Variants in OFD1 observed in about 807,000 individuals in gnomAD.
OFD1 encodes OFD1 centriole and centriolar satellite protein.
In OFD1, 12 loss-of-function variants were observed where a neutral mutation model predicts 81.4. The ratio of observed to expected loss-of-function variants is 0.15; its 90% CI spans 0.09 to 0.24. The LOEUF is 0.24. OFD1 is among the 10% of genes least tolerant of loss of function. The pLI is 1.00. For synonymous variants in OFD1, 256 were observed against 263.7 expected, an observed-to-expected ratio of 0.97 and a Z score of 0.28; for missense variants, 685 against 733.9, an observed-to-expected ratio of 0.93 and a Z score of 0.77.
intron 9 of OFD1, among the ~76,000 whole-genome samples, chrX:13,750,151 TG>T (rs2047448328): frequency 8.9e-6 from 1 of 112,230 alleles, no homozygotes; most frequent in East Asian, 2.8e-4. Flanking sequence ...GCTCCATTAA[TG>T]TTTTTTTCTC....
At position 13,740,223 on chromosome X, in the gene OFD1, C is replaced by T. The variant is rs1435789961; in HGVS notation, c.412+1191C>T. 3.4e-6 allele frequency: 3 copies of T among 881,262 alleles called. No individual in the cohort carries two copies. The Admixed American group carries it at 9.1e-5, about 27-fold the overall frequency. The allele number at this position is 881,262 out of a possible 1,213,427, so 72.6% of individuals were successfully genotyped here. A position where few individuals can be genotyped will look rare whatever the true frequency, so the allele number is the denominator to read the frequency against. On this transcript the variant is annotated intron_variant, in intron 5 of 22. Coordinates refer to ENST00000340096, the MANE Select transcript of OFD1 (RefSeq NM_003611.3). ...ACTGAAGTTCAGTATGGTAAATGATCCTATATTCTGTACTCTAAGTGTCGT... is the reference window on the plus strand; with the variant it reads ...ACTGAAGTTCAGTATGGTAAATGATTCTATATTCTGTACTCTAAGTGTCGT...
intron 15 of OFD1, among the ~76,000 whole-genome samples, chrX:13,759,164 C>G (rs1009756048): frequency 8.9e-6 from 1 of 112,056 alleles, no homozygotes; most frequent in African/African-American, 3.3e-5. Flanking sequence ...AAAGAAAGTA[C>G]GTATGTGTTA....
At chrX:13,757,601 A>C in intron 13 of OFD1, 59 bp from the exon 14 acceptor site, 1 of 1,159,064 alleles carries the variant, frequency 8.6e-7, no homozygotes, top group Non-Finnish European at 1.2e-6. Flanking sequence ...TGTTAAGTTA[A>C]ATAAGAAAAC....
chrX:13,715,956 G>A, the OFD1 span: 1 of 1,139,646 alleles, frequency 8.8e-7, no homozygotes. Context: ...CCTGACAAAG[G>A]TCGAATCCTT....
At chrX:13,719,783 G>C in the OFD1 span, 64 of 702,148 alleles carry the variant, frequency 9.1e-5, no homozygotes, top group Middle Eastern at 9.9e-4. Flanking sequence ...AATTGTGGTG[G>C]ATTTCAGTTA....
chrX:13,737,871 A>G (rs1349149027), intron 3 of OFD1, among the ~76,000 whole-genome samples: 1 of 111,575 alleles, frequency 9.0e-6, no homozygotes, highest in Non-Finnish European at 1.9e-5. Context: ...TGTTTTTGAG[A>G]CAGAGTCTTG....
At position 13,765,634 on chromosome X, in the gene OFD1, C is replaced by A. The variant is rs770168910; in HGVS notation, c.2600-1493C>A. ...AAAAGGTTCAAAGTCCTCTGCTGAA[C>A]CTATGAATTTTTCTACTTATTAGCA... On this transcript the variant is annotated intron_variant, in intron 19 of 22. Coordinates refer to ENST00000340096, the MANE Select transcript of OFD1 (RefSeq NM_003611.3). Among the ~76,000 whole-genome samples the A allele has an allele frequency of 1.4e-4, 16 of 110,507 alleles. No homozygotes were observed. The East Asian group carries it at 4.3e-3, about 29-fold the overall frequency.
At chrX:13,729,142 G>T in the OFD1 span, among the ~76,000 whole-genome samples, 6 of 111,740 alleles carry the variant, frequency 5.4e-5, no homozygotes, top group Admixed American at 9.5e-5. Context: ...TGGATAGGAA[G>T]AATCAATATC....
chrX:13,755,046 T>C, intron 11 of OFD1, 105 bp from the exon 12 acceptor site: 1 of 583,270 alleles, frequency 1.7e-6, no homozygotes. Context: ...ATTTGGATTG[T>C]GAAATAGTGG....
At chrX:13,761,616 T>C (rs2047933454) in intron 17 of OFD1, among the ~76,000 whole-genome samples, 1 of 112,530 alleles carries the variant, frequency 8.9e-6, no homozygotes. Context: ...ATTTTTAAAA[T>C]ATTTTGGCAT....
At chrX:13,752,781 C>G (rs2047554024) in intron 10 of OFD1, 1 of 969,694 alleles carries the variant, frequency 1.0e-6, no homozygotes, top group Non-Finnish European at 1.3e-6. Flanking sequence ...TTTGGAGGCT[C>G]TTCGCCACAG....
upstream of OFD1, among the ~76,000 whole-genome samples, chrX:13,733,232 C>T (rs2046717411): frequency 9.0e-6 from 1 of 111,005 alleles, no homozygotes; most frequent in Non-Finnish European, 1.9e-5. Context: ...TTTCATCATT[C>T]CACTCAAAAG....
upstream of OFD1, among the ~76,000 whole-genome samples, chrX:13,730,237 C>A (rs1339810723): frequency 5.1e-4 from 56 of 109,315 alleles, no homozygotes; most frequent in South Asian, 1.5e-3. Context: ...AAAAAAAAAA[C>A]CCCATCAAAA....
intron 7 of OFD1, 25 bp downstream of exon 7, chrX:13,746,480 A>G: frequency 8.3e-7 from 1 of 1,202,567 alleles, no homozygotes; most frequent in South Asian, 1.8e-5. Context: ...GTTACTGTAA[A>G]CAAGAGTGAT....
chrX:13,752,867 G>C, intron 10 of OFD1: 1 of 956,572 alleles, frequency 1.0e-6, no homozygotes, highest in Non-Finnish European at 1.3e-6. Context: ...CTGTGAAAAT[G>C]TGCCTTTTGG....
intron 8 of OFD1, among the ~76,000 whole-genome samples, chrX:13,748,561 C>CT (rs765066891): frequency 2.7e-5 from 3 of 112,220 alleles, no homozygotes; most frequent in East Asian, 5.6e-4. Flanking sequence ...CTATATCTGT[C>CT]TACCTTTTTA....
upstream of OFD1, among the ~76,000 whole-genome samples, chrX:13,732,492 C>G (rs1208512034): frequency 8.9e-6 from 1 of 112,834 alleles, no homozygotes; most frequent in East Asian, 2.8e-4. Flanking sequence ...GGAACTGGCG[C>G]TGAGAAAGAT....
chrX:13,714,674 G>A, the OFD1 span, among the ~76,000 whole-genome samples: 1 of 112,445 alleles, frequency 8.9e-6, no homozygotes, highest in African/African-American at 3.2e-5. Context: ...TCCTCTTAAG[G>A]AAATTTTTAT....
chrX:13,727,115 T>C, the OFD1 span, among the ~76,000 whole-genome samples: 27 of 111,862 alleles, frequency 2.4e-4, no homozygotes, highest in Non-Finnish European at 4.0e-4. Context: ...AGCAAGTCCT[T>C]AGAGACCTAC....
Sources: gnomAD v4.1 joint callset for allele counts (sites outside exome capture counted in the v4.1 genomes callset) on GRCh38, gnomAD v4.1.1 for gene constraint, MANE v1.5 for transcripts, NCBI Gene and HGNC (gene_info 2026-07-23, HGNC 2026-07-21) for gene names.